The following PCED1B variants were observed in gnomAD, a reference collection of about 807,000 sequenced individuals.
PCED1B encodes the protein PC-esterase domain-containing protein 1B.
For missense variants in PCED1B, 573 were observed against 573.9 expected (o/e 1.00, Z 0.02); for synonymous variants, 251 against 246.1 (o/e 1.02, Z -0.19).
chr12:47,147,375 T>C (rs893551676), intron 2 of PCED1B, among the ~76,000 whole-genome samples: 1 of 152,158 alleles, frequency 6.6e-6, no homozygotes, highest in Non-Finnish European at 1.5e-5. Context: ...AATTCGGCCC[T>C]ATTCTTTGCA....
intron 2 of PCED1B, among the ~76,000 whole-genome samples, chr12:47,212,739 T>G (rs1391043014): frequency 6.6e-6 from 1 of 152,248 alleles, no homozygotes; most frequent in Non-Finnish European, 1.5e-5. Context: ...GCATGTATAC[T>G]AATCCCTGGA....
chr12:47,120,165 A>G (rs963428200), intron 2 of PCED1B, among the ~76,000 whole-genome samples: 7 of 152,176 alleles, frequency 4.6e-5, no homozygotes, highest in African/African-American at 1.7e-4. Context: ...AAGATAGCTA[A>G]AAACAAAAAT....
intron 2 of PCED1B, chr12:47,208,397 T>G (rs961802252): frequency 6.6e-6 from 1 of 152,248 alleles, no homozygotes; most frequent in African/African-American, 2.4e-5. Flanking sequence ...CACCCTCAGC[T>G]AATTTTTTAT....
At chr12:47,107,890 T>C (rs1252653254) in intron 2 of PCED1B, among the ~76,000 whole-genome samples, 1 of 152,236 alleles carries the variant, frequency 6.6e-6, no homozygotes, top group African/African-American at 2.4e-5. Context: ...AATGAGGATC[T>C]TTATTGCTAA....
At chr12:47,132,837 A>G (rs907995567) in intron 2 of PCED1B, among the ~76,000 whole-genome samples, 10 of 152,232 alleles carry the variant, frequency 6.6e-5, no homozygotes, top group African/African-American at 2.4e-4. Flanking sequence ...TCTAACTGGT[A>G]CAAATATCTA....
chr12:47,184,864 C>G (rs958989063), intron 2 of PCED1B, among the ~76,000 whole-genome samples: 8 of 152,104 alleles, frequency 5.3e-5, no homozygotes, highest in Non-Finnish European at 1.2e-4. Context: ...TTTGTGTATG[C>G]ATTGGAATGT....
Position 47,113,113 on chromosome 12 carries a change from G to A in PCED1B, c.-526+8918G>A, listed in dbSNP as rs951363495. Among the ~76,000 whole-genome samples the A allele has an allele frequency of 3.3e-5, 5 of 152,174 alleles. No homozygotes were observed. In the South Asian group the frequency reaches 8.3e-4, roughly 25 times the overall value. Reference sequence around the variant, plus strand: ...ATGTCTTATTCATTCTGTAAAGCTGGGCACTGGGTTTGGTCTCTGGGATAT... The same window carrying A: ...ATGTCTTATTCATTCTGTAAAGCTGAGCACTGGGTTTGGTCTCTGGGATAT... On this transcript the variant is annotated intron_variant, in intron 2 of 3. Coordinates refer to ENST00000546455, the MANE Select transcript of PCED1B (RefSeq NM_138371.3).
chr12:47,082,033 T>C (rs558431246), intron 1 of PCED1B, among the ~76,000 whole-genome samples: 1 of 152,336 alleles, frequency 6.6e-6, no homozygotes, highest in South Asian at 2.1e-4. Context: ...GGGAAGAACG[T>C]TGTAAAAGGA....
At chr12:47,161,041 A>T (rs1416605916) in intron 2 of PCED1B, among the ~76,000 whole-genome samples, 1 of 152,182 alleles carries the variant, frequency 6.6e-6, no homozygotes, top group African/African-American at 2.4e-5. Context: ...ACCAGGTTGC[A>T]TTGCAACACA....
rs775305656 is a variant in PCED1B, at chr12:47,235,073, C to T, written c.10C>T (p.Leu4=). 2.6e-6 allele frequency: 4 copies of T among 1,527,048 alleles called. No individual in the cohort carries two copies. The highest frequency in any genetic ancestry group is 2.6e-5 in the South Asian group (2 of 76,110). 94.6% of individuals were successfully genotyped at this position (1,527,048 alleles called of 1,614,324 possible). ...GTGCGCCCTGGGCGTCATGATCCTT[C>T]TGCGGGCCTCCGAAGTGCGGCAGCT... The part of the protein sequence containing the change: MIL[L]RASEVRQLLH... The change falls in exon 4 of 4, where the codon CTG becomes TTG. Residue 4 remains leucine, a synonymous_variant. Transcript: ENST00000546455.
intron 2 of PCED1B, among the ~76,000 whole-genome samples, chr12:47,139,018 A>T: frequency 6.6e-6 from 1 of 151,972 alleles, no homozygotes; most frequent in East Asian, 1.9e-4. Flanking sequence ...TTATGTATTT[A>T]TTTGCTTATT....
At chr12:47,214,978 C>T (rs2137791096) in intron 2 of PCED1B, among the ~76,000 whole-genome samples, 1 of 152,194 alleles carries the variant, frequency 6.6e-6, no homozygotes. Flanking sequence ...CCTACGCCTC[C>T]TGGGTTGAAG....
intron 3 of PCED1B, among the ~76,000 whole-genome samples, chr12:47,225,528 A>G (rs1943608296): frequency 6.6e-6 from 1 of 152,244 alleles, no homozygotes; most frequent in African/African-American, 2.4e-5. Context: ...TGGCAAGTTT[A>G]AATTCACTTA....
intron 2 of PCED1B, chr12:47,208,697 G>A (rs1238095733): frequency 1.3e-5 from 2 of 151,772 alleles, no homozygotes; most frequent in Non-Finnish European, 2.9e-5. Context: ...GTATAGATAG[G>A]GTCTCACTAT....
chr12:47,178,886 A>T (rs1271760291), intron 2 of PCED1B, among the ~76,000 whole-genome samples: 1 of 151,878 alleles, frequency 6.6e-6, no homozygotes, highest in Admixed American at 6.6e-5. Flanking sequence ...AAAAAAAAGA[A>T]AAGAAAATTG....
chr12:47,155,783 G>A (rs1941174559), intron 2 of PCED1B, among the ~76,000 whole-genome samples: 1 of 152,170 alleles, frequency 6.6e-6, no homozygotes, highest in African/African-American at 2.4e-5. Flanking sequence ...TGAAGAAGCT[G>A]CCTGATTTGG....
intron 2 of PCED1B, among the ~76,000 whole-genome samples, chr12:47,167,272 G>A (rs538508695): frequency 2.0e-5 from 3 of 152,020 alleles, no homozygotes; most frequent in African/African-American, 7.2e-5. Flanking sequence ...GCATATTTTG[G>A]GGGGTGTAGC....
chr12:47,202,769 C>T (rs1448519259), intron 2 of PCED1B, among the ~76,000 whole-genome samples: 1 of 151,668 alleles, frequency 6.6e-6, no homozygotes, highest in Non-Finnish European at 1.5e-5. Flanking sequence ...GGAATTTTAG[C>T]AAGTTAAAGC....
intron 2 of PCED1B, among the ~76,000 whole-genome samples, chr12:47,207,252 A>G (rs755471685): frequency 6.6e-6 from 1 of 152,264 alleles, no homozygotes; most frequent in Non-Finnish European, 1.5e-5. Flanking sequence ...TCCAAAATAC[A>G]TAAACATATT....
Sources: allele counts gnomAD v4.1 joint callset (sites outside exome capture counted in the v4.1 genomes callset), GRCh38; gene constraint gnomAD v4.1.1; transcripts MANE v1.5; gene names NCBI Gene and HGNC (gene_info 2026-07-23, HGNC 2026-07-21).